SH3D19: variants seen among roughly 807,000 people sequenced by gnomAD.
SH3D19 encodes the protein SH3 domain-containing protein 19.
SH3D19 carries 58 observed loss-of-function variants against 112.1 expected under a neutral mutation model. The observed-to-expected ratio is 0.52, with a 90% CI of 0.42 to 0.64. The LOEUF (loss-of-function observed/expected upper bound fraction) is 0.64, where lower values mean the gene tolerates loss of function less well. Ranked by LOEUF, SH3D19 falls within the 30% of genes least tolerant of loss-of-function variation. SH3D19 has a pLI of 0.00. For missense variants in SH3D19, 1,090 were observed against 1,263.4 expected, an observed-to-expected ratio of 0.86 and a Z score of 2.08; for synonymous variants, 391 against 448.5, an observed-to-expected ratio of 0.87 and a Z score of 1.62.
intron 2 of SH3D19, among the ~76,000 whole-genome samples, chr4:151,191,770 C>T (rs527269691): frequency 7.1e-4 from 108 of 151,764 alleles, no homozygotes; most frequent in Non-Finnish European, 9.4e-4. Context: ...CTCAGCTTCC[C>T]GAGTAGCTGG....
rs530340129 is a variant in SH3D19, at chr4:151,254,972, G to A, written c.113-28886C>T. Among the ~76,000 whole-genome samples, 156 of 149,312 alleles carry A rather than the reference G, an allele frequency of 1.0e-3. 1 individual carries two copies. The highest frequency in any genetic ancestry group is 3.4e-3 in the African/African-American group (139 of 40,462). ...GGGCTGACGCCCCCACCTCCCTCCC[G>A]GATGGGGCGGCTGGCTGGGCAGAGG... On this transcript the variant is annotated intron_variant, in intron 1 of 19. Coordinates refer to ENST00000604030, the MANE Select transcript of SH3D19 (RefSeq NM_001378122.1).
chr4:151,311,125 A>T (rs1238226191), intron 1 of SH3D19, among the ~76,000 whole-genome samples: 2 of 151,498 alleles, frequency 1.3e-5, no homozygotes, highest in Non-Finnish European at 2.9e-5. Flanking sequence ...GTATGTATAC[A>T]TATATACATG....
chr4:151,142,723 T>G (rs1187850604), intron 12 of SH3D19, among the ~76,000 whole-genome samples: 1 of 152,112 alleles, frequency 6.6e-6, no homozygotes, highest in East Asian at 1.9e-4. Flanking sequence ...TAGGGCAAAG[T>G]ACAACATATT....
chr4:151,239,500 A>T (rs1009515486), intron 1 of SH3D19, among the ~76,000 whole-genome samples: 4 of 152,336 alleles, frequency 2.6e-5, no homozygotes, highest in Admixed American at 2.6e-4. Context: ...ATTTGGAAAG[A>T]ATGCATTTTG....
Position 151,292,299 on chromosome 4 carries a change from T to TA in SH3D19, c.112+32941dup, listed in dbSNP as rs879829140. ...GGGCAACAGAGCAAGACCCTGTCTT[T>TA]AAAAAAAAAAAAGGAAAAGAAAAGA... On this transcript the variant is annotated intron_variant, in intron 1 of 19. Transcript: ENST00000604030. Among the ~76,000 whole-genome samples, 204 of 142,356 alleles carry TA rather than the reference T, an allele frequency of 1.4e-3. 1 individual carries two copies. Among genetic ancestry groups the TA allele is most frequent in the African/African-American group, 2.5e-3 (99 of 39,050 alleles). The allele number at this position is 142,356 out of a possible 152,430, so 93.4% of individuals were successfully genotyped here.
At chr4:151,273,564 T>C (rs1162617717) in intron 1 of SH3D19, among the ~76,000 whole-genome samples, 3 of 118,746 alleles carry the variant, frequency 2.5e-5, no homozygotes, top group Non-Finnish European at 4.8e-5. Context: ...CACTCCAGCC[T>C]GGGCGACAGA....
intron 1 of SH3D19, among the ~76,000 whole-genome samples, chr4:151,276,863 C>A (rs1387830331): frequency 1.3e-5 from 2 of 152,158 alleles, no homozygotes; most frequent in African/African-American, 4.8e-5. Context: ...TTGCTAGAGA[C>A]AGGGTCCTGT....
chr4:151,131,847 T>C (rs181637156), intron 17 of SH3D19, among the ~76,000 whole-genome samples: 2 of 151,076 alleles, frequency 1.3e-5, no homozygotes, highest in African/African-American at 2.4e-5. Context: ...TTTTTTGAGA[T>C]AGAGTCTCGC....
intron 1 of SH3D19, among the ~76,000 whole-genome samples, chr4:151,299,781 C>T (rs1276278122): frequency 1.3e-5 from 2 of 152,150 alleles, no homozygotes; most frequent in Non-Finnish European, 1.5e-5. Context: ...TCTTTTTATC[C>T]AGAGGCTGCT....
At chr4:151,323,303 C>A (rs1730731559) in intron 1 of SH3D19, among the ~76,000 whole-genome samples, 1 of 152,088 alleles carries the variant, frequency 6.6e-6, no homozygotes, top group African/African-American at 2.4e-5. Context: ...GCACTGAGAA[C>A]AGGAAAAGTG....
chr4:151,122,157 A>C lies in SH3D19; in HGVS notation c.3078T>G (p.Ser1026Arg), dbSNP rs765379008. 4.3e-6 allele frequency: 7 copies of C among 1,611,636 alleles called. No homozygotes were observed. The South Asian group carries it at 7.7e-5, about 18-fold the overall frequency. The part of the protein sequence containing the change: ...ELESVDDDWM[S>R]GELMGKSGIF... ...TTCCAGATTTTCCCATAAGTTCTCC[A>C]CTCATCCAGTCATCATCTACAGATT... Residue 1026 changes from serine (S) to arginine (R), a missense_variant, in exon 20 of 20, where the codon AGT becomes AGG. Transcript: ENST00000604030.
intron 7 of SH3D19, among the ~76,000 whole-genome samples, chr4:151,166,506 T>A (rs930736364): frequency 6.6e-5 from 10 of 151,714 alleles, no homozygotes; most frequent in African/African-American, 1.9e-4. Flanking sequence ...TTTTTTTTTT[T>A]AATGGGAAAT....
intron 1 of SH3D19, among the ~76,000 whole-genome samples, chr4:151,285,348 T>C (rs765911291): frequency 1.3e-5 from 2 of 152,180 alleles, no homozygotes; most frequent in African/African-American, 4.8e-5. Context: ...ATAAACCATA[T>C]GCTAAGCTGT....
chr4:151,130,624 T>C (rs1750437916), intron 17 of SH3D19, among the ~76,000 whole-genome samples: 1 of 152,062 alleles, frequency 6.6e-6, no homozygotes, highest in South Asian at 2.1e-4. Context: ...TTCCTAAATA[T>C]TTGGAAAGTT....
At chr4:151,291,476 C>A (rs951273728) in intron 1 of SH3D19, 28 of 1,441,790 alleles carry the variant, frequency 1.9e-5, no homozygotes, top group East Asian at 4.6e-5. Context: ...CCACTGCTAA[C>A]CCTGGGTGAC....
At chr4:151,127,081 T>C (rs984213642) in intron 19 of SH3D19, among the ~76,000 whole-genome samples, 2 of 151,928 alleles carry the variant, frequency 1.3e-5, no homozygotes, top group African/African-American at 4.8e-5. Context: ...AGCTAATTTT[T>C]TTGTATTTTT....
At chr4:151,311,970 G>A (rs748359116) in intron 1 of SH3D19, among the ~76,000 whole-genome samples, 19 of 152,084 alleles carry the variant, frequency 1.2e-4, no homozygotes, top group African/African-American at 2.9e-4. Context: ...CAAGTATATC[G>A]CATGGTGACT....
intron 1 of SH3D19, among the ~76,000 whole-genome samples, chr4:151,234,727 A>C (rs1580291672): frequency 1.3e-5 from 1 of 77,934 alleles, no homozygotes; most frequent in Non-Finnish European, 3.2e-5. Context: ...TTTTCTTTCC[A>C]AGTTTGTGTT....
chr4:151,158,461 G>A (rs553715316), intron 9 of SH3D19, among the ~76,000 whole-genome samples: 4 of 151,878 alleles, frequency 2.6e-5, no homozygotes, highest in African/African-American at 4.8e-5. Context: ...CACCACGTCC[G>A]GCTAATTTTT....
Sources: gnomAD v4.1 joint callset for allele counts (sites outside exome capture counted in the v4.1 genomes callset) on GRCh38, gnomAD v4.1.1 for gene constraint, MANE v1.5 for transcripts, NCBI Gene and HGNC (gene_info 2026-07-23, HGNC 2026-07-21) for gene names.